AP3M1: variants seen among roughly 807,000 people sequenced by gnomAD.
AP3M1 encodes the protein AP-3 complex subunit mu-1.
Under a neutral mutation model 42.6 loss-of-function variants are expected in AP3M1, and 29 were observed. The observed-to-expected ratio is 0.68, with a 90% CI of 0.51 to 0.93. The LOEUF (loss-of-function observed/expected upper bound fraction) is 0.93. Among genes scored for constraint, AP3M1 ranks in the 40% least tolerant of loss-of-function variants. AP3M1 has a pLI of 0.00. For synonymous variants in AP3M1, 178 were observed against 175.3 expected, an observed-to-expected ratio of 1.02 and a Z score of -0.12; for missense variants, 416 against 510.2, an observed-to-expected ratio of 0.82 and a Z score of 1.78.
chr10:74,146,135 T>G (rs1239237577), intron 1 of AP3M1, among the ~76,000 whole-genome samples: 28 of 152,210 alleles, frequency 1.8e-4, no homozygotes, highest in Admixed American at 1.8e-3. Context: ...TATAGTGTGC[T>G]GTGGGAATCT....
At chr10:74,130,689 T>C (rs2131970189) in intron 4 of AP3M1, among the ~76,000 whole-genome samples, 1 of 152,248 alleles carries the variant, frequency 6.6e-6, no homozygotes, top group African/African-American at 2.4e-5. Context: ...GCAATCCGCC[T>C]ACCTTAGCTT....
intron 7 of AP3M1, among the ~76,000 whole-genome samples, chr10:74,125,372 G>A (rs866131337): frequency 6.6e-6 from 1 of 152,210 alleles, no homozygotes; most frequent in Non-Finnish European, 1.5e-5. Context: ...GAAATCTTCG[G>A]TGTGAAGGCT....
At chr10:74,134,707 T>C (rs1368967714) in intron 3 of AP3M1, among the ~76,000 whole-genome samples, 3 of 152,196 alleles carry the variant, frequency 2.0e-5, no homozygotes, top group Admixed American at 6.5e-5. Flanking sequence ...AACTGACACA[T>C]GCCTAAAAAT....
chr10:74,124,321 C>T, intron 8 of AP3M1, 59 bp downstream of exon 8: 1 of 1,551,884 alleles, frequency 6.4e-7, no homozygotes, highest in South Asian at 1.2e-5. Flanking sequence ...TTCTAAATGC[C>T]TAATAAATGA....
chr10:74,131,449 G>A (rs1840778658), intron 4 of AP3M1, among the ~76,000 whole-genome samples: 1 of 152,178 alleles, frequency 6.6e-6, no homozygotes. Flanking sequence ...TTACAGGTGT[G>A]AGCCACCGCG....
Position 74,138,339 on chromosome 10 carries a change from A to T in AP3M1, c.41T>A (p.Ile14Lys). The T allele has an allele frequency of 6.2e-7, 1 of 1,614,172 alleles. No homozygotes were observed. Among genetic ancestry groups the T allele is most frequent in the East Asian group, 2.2e-5 (1 of 44,876 alleles). Residue 14 changes from isoleucine to lysine, a missense_variant, in exon 2 of 9, where the codon ATA becomes AAA. Physicochemically the swap from Ile to Lys is moderately radical, Grantham distance 102. Transcript: ENST00000355264. ...GCTCTTCCAGTGCTTCTCTAGAAATATGTCACCGGAACAGTTTATGAGAAA... is the reference window on the plus strand; with the variant it reads ...GCTCTTCCAGTGCTTCTCTAGAAATTTGTCACCGGAACAGTTTATGAGAAA... ...SLFLINCSGDIFLEKHWKSVV... is the reference protein window; with the variant it reads ...SLFLINCSGDKFLEKHWKSVV...
intron 3 of AP3M1, among the ~76,000 whole-genome samples, chr10:74,134,908 T>TTATGGTATTAACATTTTAA (rs1327680763): frequency 1.3e-5 from 2 of 152,198 alleles, no homozygotes; most frequent in African/African-American, 4.8e-5. Flanking sequence ...TTTGTTAATA[T>TTATGGTATTAACATTTTAA]TATGGTATTA....
At chr10:74,144,073 T>C (rs560803184) in intron 1 of AP3M1, among the ~76,000 whole-genome samples, 1 of 152,212 alleles carries the variant, frequency 6.6e-6, no homozygotes, top group Non-Finnish European at 1.5e-5. Flanking sequence ...ACCATTCTCC[T>C]GCCTCAGCCT....
At position 74,124,158 on chromosome 10, in the gene AP3M1, G is replaced by GT. The variant is rs908131717; in HGVS notation, c.1156+221dup. On this transcript the variant is annotated intron_variant, in intron 8 of 8. Transcript: ENST00000355264. ...GTGAATATGAATAACTCTCTTTTTG[G>GT]TGCTTAAATGAGGGCGGAGGTGAGG... 3.9e-5 allele frequency among the ~76,000 whole-genome samples: 6 copies of GT among 152,216 alleles called. 1 individual carries two copies. Among genetic ancestry groups the GT allele is most frequent in the Admixed American group, 1.3e-4 (2 of 15,280 alleles).
At chr10:74,145,386 T>C (rs957706745) in intron 1 of AP3M1, among the ~76,000 whole-genome samples, 1 of 152,236 alleles carries the variant, frequency 6.6e-6, no homozygotes, top group African/African-American at 2.4e-5. Context: ...GATGAAAGCA[T>C]AACACTTGTA....
At chr10:74,128,478 A>T (rs917597612) in intron 6 of AP3M1, among the ~76,000 whole-genome samples, 14 of 152,048 alleles carry the variant, frequency 9.2e-5, no homozygotes, top group Non-Finnish European at 1.6e-4. Flanking sequence ...ACCCCAAGTG[A>T]TCTGCCCACA....
intron 7 of AP3M1, among the ~76,000 whole-genome samples, chr10:74,124,950 T>A (rs1591734158): frequency 6.6e-6 from 1 of 152,208 alleles, no homozygotes; most frequent in East Asian, 1.9e-4. Context: ...TTCTCCATCA[T>A]AACCATCTTC....
At chr10:74,144,329 A>G (rs1314368989) in intron 1 of AP3M1, among the ~76,000 whole-genome samples, 1 of 151,348 alleles carries the variant, frequency 6.6e-6, no homozygotes, top group African/African-American at 2.4e-5. Context: ...CAGCTGCGTC[A>G]TCTTGGCTCA....
intron 1 of AP3M1, 146 bp downstream of exon 1, chr10:74,150,608 CG>C (rs986097054): frequency 6.5e-6 from 1 of 153,002 alleles, no homozygotes; most frequent in Non-Finnish European, 1.5e-5. Flanking sequence ...CCCGGAAGGC[CG>C]GGAGTGGGGG....
chr10:74,132,857 G>A (rs906290505), intron 4 of AP3M1, among the ~76,000 whole-genome samples: 1 of 152,172 alleles, frequency 6.6e-6, no homozygotes, highest in African/African-American at 2.4e-5. Flanking sequence ...GGTACATAGG[G>A]TAATAATTGG....
At position 74,123,759 on chromosome 10, in the gene AP3M1, T is replaced by G. The variant is rs377762958; in HGVS notation, c.*51A>C. 1.7e-4 allele frequency: 239 copies of G among 1,389,074 alleles called. No homozygotes were observed. The highest frequency in any genetic ancestry group is 2.3e-4 in the Non-Finnish European group (222 of 974,904). 86.0% of individuals were successfully genotyped at this position (1,389,074 alleles called of 1,614,324 possible). On this transcript the variant is annotated 3_prime_UTR_variant, in exon 9 of 9. Transcript: ENST00000355264. ...TCACTTGGTACCTAATAGTGATACA[T>G]CGTAATGACACTTGGAAAACAAACT...
At chr10:74,127,736 G>A (rs988397534) in intron 6 of AP3M1, among the ~76,000 whole-genome samples, 3 of 152,012 alleles carry the variant, frequency 2.0e-5, no homozygotes, top group Admixed American at 2.0e-4. Context: ...AGTTTAAAAT[G>A]AATTATGATC....
intron 1 of AP3M1, among the ~76,000 whole-genome samples, chr10:74,143,813 G>A (rs748336422): frequency 1.3e-4 from 20 of 152,190 alleles, no homozygotes; most frequent in Admixed American, 1.2e-3. Flanking sequence ...TTAGGAACAC[G>A]TTCTAATACA....
At chr10:74,133,099 A>C (rs968769954) in intron 4 of AP3M1, among the ~76,000 whole-genome samples, 5 of 151,982 alleles carry the variant, frequency 3.3e-5, no homozygotes, top group Non-Finnish European at 7.4e-5. Flanking sequence ...CTAAAAATAC[A>C]AAAAATTAGC....
Sources: gnomAD v4.1 joint callset for allele counts (sites outside exome capture counted in the v4.1 genomes callset) on GRCh38, gnomAD v4.1.1 for gene constraint, MANE v1.5 for transcripts, NCBI Gene and HGNC (gene_info 2026-07-23, HGNC 2026-07-21) for gene names.